Variants in LMBR1 observed in about 807,000 individuals in gnomAD.
LMBR1 encodes limb region 1 protein homolog.
A neutral mutation model predicts 73.9 loss-of-function variants in LMBR1; 52 were observed. The observed-to-expected ratio is 0.70, with a 90% CI of 0.56 to 0.89. The LOEUF is 0.89. Ranked by LOEUF, LMBR1 falls within the 40% of genes least tolerant of loss-of-function variation. LMBR1 has a pLI of 0.00. For missense variants in LMBR1, 539 were observed against 579.8 expected, an observed-to-expected ratio of 0.93 and a Z score of 0.72; for synonymous variants, 215 against 209.4, an observed-to-expected ratio of 1.03 and a Z score of -0.23.
chr7:156,820,374 A>G (rs1444263085), intron 4 of LMBR1, among the ~76,000 whole-genome samples: 1 of 152,186 alleles, frequency 6.6e-6, no homozygotes, highest in Non-Finnish European at 1.5e-5. Flanking sequence ...CCTGTATTAT[A>G]ATTTAGTTCA....
intron 15 of LMBR1, among the ~76,000 whole-genome samples, chr7:156,708,826 C>G (rs1811515760): frequency 6.6e-6 from 1 of 152,122 alleles, no homozygotes; most frequent in Admixed American, 6.5e-5. Flanking sequence ...AGGTCTGCGG[C>G]AGGGACTGCA....
intron 10 of LMBR1, among the ~76,000 whole-genome samples, chr7:156,731,525 GCAA>G (rs1816829464): frequency 1.3e-5 from 2 of 152,110 alleles, no homozygotes; most frequent in South Asian, 4.1e-4. Flanking sequence ...CTTTGAAAGA[GCAA>G]CAACATGACT....
chr7:156,712,589 A>G (rs1812307517), intron 15 of LMBR1, among the ~76,000 whole-genome samples: 1 of 152,242 alleles, frequency 6.6e-6, no homozygotes, highest in South Asian at 2.1e-4. Flanking sequence ...ACTGATCACA[A>G]TAGCAAAGAT....
intron 1 of LMBR1, among the ~76,000 whole-genome samples, chr7:156,890,489 C>T (rs1357850032): frequency 6.6e-6 from 1 of 152,092 alleles, no homozygotes; most frequent in African/African-American, 2.4e-5. Flanking sequence ...CTGTAAAGAC[C>T]TTGCAAATCA....
chr7:156,803,394 T>A (rs1419843227), intron 4 of LMBR1, among the ~76,000 whole-genome samples: 1 of 151,686 alleles, frequency 6.6e-6, no homozygotes, highest in Non-Finnish European at 1.5e-5. Context: ...AAAAAACACA[T>A]GAAAAAATGC....
In LMBR1 at chr7:156,688,110, A is replaced by G. The variant is rs1404472932; in HGVS notation, c.1307T>C (p.Leu436Ser). 11 of 1,612,848 alleles carry G rather than the reference A, an allele frequency of 6.8e-6. No homozygotes were observed. The highest frequency in any genetic ancestry group is 8.5e-6 in the Non-Finnish European group (10 of 1,179,426). ...GNFYIVLSYN[L>S]LFAIVTTLCL... is the part of the protein sequence containing the mutation. Reference sequence around the variant, plus strand: ...CAATGTTGTCACAATAGCAAAAAGCAAATTGTAGGATAATACAATATAGAA... The same window carrying G: ...CAATGTTGTCACAATAGCAAAAAGCGAATTGTAGGATAATACAATATAGAA... The change falls in exon 16 of 17, where the codon TTG becomes TCG. Residue 436 changes from leucine (L) to serine (S), a missense_variant. By Grantham distance (145) the Leu-to-Ser change is moderately radical. Around this residue, in one of 3 missense-constraint regions of LMBR1, gnomAD observed 69 missense variants for 68.5 expected, o/e 1.01. Transcript: ENST00000353442.
chr7:156,789,997 G>A (rs915892715), intron 5 of LMBR1, among the ~76,000 whole-genome samples: 3 of 151,900 alleles, frequency 2.0e-5, no homozygotes, highest in Admixed American at 6.6e-5. Flanking sequence ...CATTTAAACA[G>A]AGGCCTGAAC....
At chr7:156,736,762 A>G in intron 9 of LMBR1, 1 of 317,956 alleles carries the variant, frequency 3.1e-6, no homozygotes, top group Non-Finnish European at 6.2e-6. Flanking sequence ...CACATAGCAA[A>G]CTATGACCAG....
chr7:156,805,595 A>G (rs894332332), intron 4 of LMBR1, among the ~76,000 whole-genome samples: 7 of 152,154 alleles, frequency 4.6e-5, no homozygotes, highest in Non-Finnish European at 8.8e-5. Context: ...GTTATCTTTC[A>G]AAGTTGTTTA....
intron 1 of LMBR1, among the ~76,000 whole-genome samples, chr7:156,882,281 A>G (rs368638403): frequency 2.6e-5 from 4 of 152,152 alleles, no homozygotes; most frequent in African/African-American, 9.7e-5. Flanking sequence ...GTCTCTACAA[A>G]AAATAAACAA....
Position 156,893,001 on chromosome 7 carries a change from C to A in LMBR1, c.-8G>T. On this transcript the variant is annotated 5_prime_UTR_variant, in exon 1 of 17. It removes an upstream start codon present in the reference 5' UTR. Transcript: ENST00000353442. ...CTCGTCCTGCCCTTCCATCCTCCTT[C>A]ATGCCCGCCGCCGCGCCGCCCGCGT... The A allele has an allele frequency of 1.3e-6, 2 of 1,520,408 alleles. No homozygotes were observed. The highest frequency in any genetic ancestry group is 1.8e-6 in the Non-Finnish European group (2 of 1,141,262). 94.2% of individuals were successfully genotyped at this position (1,520,408 alleles called of 1,614,324 possible).
intron 1 of LMBR1, 111 bp downstream of exon 1, chr7:156,892,817 C>T: frequency 2.1e-6 from 1 of 471,318 alleles, no homozygotes; most frequent in Non-Finnish European, 2.9e-6. Context: ...GGGCGGGAGG[C>T]GCGAGGCGAG....
chr7:156,721,733 A>G (rs1309615026), intron 15 of LMBR1, among the ~76,000 whole-genome samples: 2 of 152,126 alleles, frequency 1.3e-5, no homozygotes, highest in East Asian at 3.8e-4. Context: ...ATTTATACTA[A>G]TTCTACTTAA....
intron 1 of LMBR1, among the ~76,000 whole-genome samples, chr7:156,850,378 A>C (rs1185432738): frequency 1.3e-5 from 2 of 152,230 alleles, no homozygotes; most frequent in Admixed American, 1.3e-4. Context: ...ATTCTGTTTC[A>C]GTAGCACAAA....
rs148101872 is a variant in LMBR1, at chr7:156,887,067, C to T, written c.66+5861G>A. On this transcript the variant is annotated intron_variant, in intron 1 of 16. Coordinates refer to ENST00000353442, the MANE Select transcript of LMBR1 (RefSeq NM_022458.4). ...AAAGAAAGGAAATCAATCATTACTA[C>T]CTGATACTAATAGCCAAAGTCAAAT... Among the ~76,000 whole-genome samples the T allele has an allele frequency of 2.7e-3, 414 of 152,308 alleles. 2 individuals are homozygous for T. The highest frequency in any genetic ancestry group is 0.01 in the Middle Eastern group (3 of 294).
rs747160160 is a variant in LMBR1, at chr7:156,727,980, T to C, written c.943A>G (p.Asn315Asp). The stretch of plus-strand genomic sequence containing the variant: ...TCATCAACCAATAGGCAAAGAATAT[T>C]ACAAGCCACCAAGAGGACCGAGATG... The part of the protein sequence containing the change: ...TSISVLLVAC[N>D]ILCLLVDETA... Residue 315 changes from asparagine (N) to aspartate (D), a missense_variant, in exon 12 of 17, where the codon AAT becomes GAT. Asn to Asp is a conservative substitution (Grantham distance 23). Transcript: ENST00000353442. 6.2e-7 allele frequency: 1 copy of C among 1,613,456 alleles called. No homozygotes were observed. Among genetic ancestry groups the C allele is most frequent in the South Asian group, 1.1e-5 (1 of 91,010 alleles).
intron 1 of LMBR1, among the ~76,000 whole-genome samples, chr7:156,887,098 C>T (rs952012258): frequency 2.0e-5 from 3 of 152,164 alleles, no homozygotes; most frequent in Non-Finnish European, 2.9e-5. Flanking sequence ...CAAATATGAT[C>T]ACTAAAGCAA....
intron 1 of LMBR1, among the ~76,000 whole-genome samples, chr7:156,886,689 G>A (rs1332198137): frequency 6.6e-6 from 1 of 152,220 alleles, no homozygotes; most frequent in Non-Finnish European, 1.5e-5. Flanking sequence ...CTGGAGGCCA[G>A]TGCTTGTTTA....
chr7:156,860,096 CAT>C (rs1406506063), intron 1 of LMBR1, among the ~76,000 whole-genome samples: 2 of 152,198 alleles, frequency 1.3e-5, no homozygotes, highest in Non-Finnish European at 1.5e-5. Flanking sequence ...TGAATCAAGA[CAT>C]AGACCCTATG....
Sources: gnomAD v4.1 joint callset for allele counts (sites outside exome capture counted in the v4.1 genomes callset) on GRCh38, gnomAD v4.1.1 for gene constraint, gnomAD v4.1.1 regional missense constraint, MANE v1.5 for transcripts, NCBI Gene and HGNC (gene_info 2026-07-23, HGNC 2026-07-21) for gene names.